Variants in LAMP3 observed in about 807,000 individuals in gnomAD.
LAMP3 encodes lysosome-associated membrane glycoprotein 3.
LAMP3 carries 26 observed loss-of-function variants against 34.8 expected under a neutral mutation model. The observed-to-expected ratio is 0.75, with a 90% CI of 0.55 to 1.04. The LOEUF (loss-of-function observed/expected upper bound fraction) is 1.04, where lower values mean the gene tolerates loss of function less well. Among genes scored for constraint, LAMP3 ranks in the 50% least tolerant of loss-of-function variants. The pLI is 0.00. For missense variants in LAMP3, 495 were observed against 524.0 expected, an observed-to-expected ratio of 0.94 and a Z score of 0.54; for synonymous variants, 180 against 201.9, an observed-to-expected ratio of 0.89 and a Z score of 0.92.
At chr3:183,144,152 A>C (rs912018376) in intron 3 of LAMP3, among the ~76,000 whole-genome samples, 7 of 152,346 alleles carry the variant, frequency 4.6e-5, no homozygotes, top group African/African-American at 7.2e-5. Context: ...AAATCAAGAA[A>C]GCTTTGTTCT....
At chr3:183,151,489 G>T (rs561031313) in intron 3 of LAMP3, among the ~76,000 whole-genome samples, 1 of 148,490 alleles carries the variant, frequency 6.7e-6, no homozygotes, top group Non-Finnish European at 1.5e-5. Context: ...GTGCAATGGC[G>T]CAATCTCGGC....
intron 1 of LAMP3, among the ~76,000 whole-genome samples, chr3:183,158,474 A>ACCCCCCCCCCCCC (rs1720883384): frequency 1.1e-5 from 1 of 89,642 alleles, no homozygotes; most frequent in Admixed American, 1.3e-4. Context: ...TCATCTGCCC[A>ACCCCCCCCCCCCC]CCCCCACCCC....
chr3:183,151,870 C>G (rs1031230592), intron 3 of LAMP3, among the ~76,000 whole-genome samples: 1 of 152,216 alleles, frequency 6.6e-6, no homozygotes, highest in Non-Finnish European at 1.5e-5. Flanking sequence ...TCTCTGACCT[C>G]GATCTATGAC....
chr3:183,154,633 C>T (rs942885448), intron 1 of LAMP3, among the ~76,000 whole-genome samples: 7 of 152,148 alleles, frequency 4.6e-5, no homozygotes, highest in African/African-American at 1.7e-4. Flanking sequence ...TCCACAGCAC[C>T]CAGCCCCTTT....
At position 183,144,772 on chromosome 3, in the gene LAMP3, G is replaced by A. The variant is rs373001987; in HGVS notation, c.889-4177C>T. 3.3e-5 allele frequency among the ~76,000 whole-genome samples: 5 copies of A among 152,172 alleles called. No individual in the cohort carries two copies. The East Asian group carries it at 9.6e-4, about 29-fold the overall frequency. On this transcript the variant is annotated intron_variant, in intron 3 of 5. Transcript: ENST00000265598. ...ATACACAAATTAGCTGGGCATGGTGGCATGTACCTGTAGTCCCAGCTACTC... is the reference window on the plus strand; with the variant it reads ...ATACACAAATTAGCTGGGCATGGTGACATGTACCTGTAGTCCCAGCTACTC...
At chr3:183,135,693 C>T in intron 5 of LAMP3, 24 bp downstream of exon 5, 1 of 1,610,980 alleles carries the variant, frequency 6.2e-7, no homozygotes, top group African/African-American at 1.3e-5. Flanking sequence ...TGTATGTTTG[C>T]AACCTGATCG....
At chr3:183,151,424 C>CTTTTTT (rs1303908629) in intron 3 of LAMP3, among the ~76,000 whole-genome samples, 1 of 130,042 alleles carries the variant, frequency 7.7e-6, no homozygotes, top group African/African-American at 2.9e-5. Context: ...GGGGCATGCT[C>CTTTTTT]TTTTTTTTTT....
chr3:183,144,053 C>A (rs1720367593), intron 3 of LAMP3, among the ~76,000 whole-genome samples: 1 of 152,138 alleles, frequency 6.6e-6, no homozygotes, highest in Admixed American at 6.5e-5. Flanking sequence ...GCAAAACACA[C>A]CGTGGAAGTT....
intron 1 of LAMP3, among the ~76,000 whole-genome samples, chr3:183,159,319 T>C (rs542641051): frequency 9.9e-5 from 15 of 152,266 alleles, no homozygotes; most frequent in Non-Finnish European, 1.9e-4. Flanking sequence ...AGAGAATGTG[T>C]AAGGGCGCAG....
intron 4 of LAMP3, 61 bp downstream of exon 4, chr3:183,140,477 G>A: frequency 1.2e-6 from 1 of 861,338 alleles, no homozygotes; most frequent in Non-Finnish European, 1.9e-6. Context: ...GGGATGAAAG[G>A]TGAGCTAACC....
At chr3:183,142,208 G>C (rs73056053) in intron 3 of LAMP3, among the ~76,000 whole-genome samples, 4,847 of 152,186 alleles carry the variant, frequency 0.032, 251 homozygotes, top group African/African-American at 0.11. Flanking sequence ...AGGGTCCACA[G>C]TCCGGGTTAC....
intron 1 of LAMP3, among the ~76,000 whole-genome samples, chr3:183,159,118 C>A (rs191589615): frequency 2.0e-5 from 3 of 152,254 alleles, no homozygotes; most frequent in African/African-American, 7.2e-5. Context: ...GTTTCAAACT[C>A]CTAGGATTAA....
chr3:183,129,071 C>T (rs553206994), intron 5 of LAMP3, among the ~76,000 whole-genome samples: 1 of 152,160 alleles, frequency 6.6e-6, no homozygotes, highest in Non-Finnish European at 1.5e-5. Flanking sequence ...CTTTATACTT[C>T]ATATTTTTGG....
chr3:183,134,231 T>C (rs112691393), intron 5 of LAMP3, among the ~76,000 whole-genome samples: 72 of 152,194 alleles, frequency 4.7e-4, no homozygotes, highest in African/African-American at 1.5e-3. Context: ...TTTGTGACTA[T>C]TTGTATGAGA....
intron 3 of LAMP3, among the ~76,000 whole-genome samples, chr3:183,144,452 G>T (rs551093987): frequency 4.6e-5 from 7 of 152,262 alleles, no homozygotes; most frequent in African/African-American, 1.7e-4. Context: ...AGTGGAAGTG[G>T]GGAAGGGGGA....
intron 2 of LAMP3, among the ~76,000 whole-genome samples, chr3:183,153,056 T>G (rs772476214): frequency 6.6e-6 from 1 of 151,014 alleles, no homozygotes; most frequent in Non-Finnish European, 1.5e-5. Flanking sequence ...GTGCCTGTAA[T>G]CCCAGCTACT....
At chr3:183,133,985 C>T (rs1024317727) in intron 5 of LAMP3, among the ~76,000 whole-genome samples, 1 of 152,220 alleles carries the variant, frequency 6.6e-6, no homozygotes, top group African/African-American at 2.4e-5. Flanking sequence ...TTCCTCTGGG[C>T]TCCCATAACC....
intron 2 of LAMP3, among the ~76,000 whole-genome samples, chr3:183,153,221 T>G (rs1378901246): frequency 6.6e-6 from 1 of 151,756 alleles, no homozygotes; most frequent in Admixed American, 6.6e-5. Context: ...AGTGATTCCT[T>G]TAGTATATCA....
At chr3:183,128,524 G>T (rs1719837657) in intron 5 of LAMP3, among the ~76,000 whole-genome samples, 1 of 151,858 alleles carries the variant, frequency 6.6e-6, no homozygotes, top group African/African-American at 2.4e-5. Context: ...TCATTTTTTT[G>T]CTATTATAAA....
Sources: gnomAD v4.1 joint callset for allele counts (sites outside exome capture counted in the v4.1 genomes callset) on GRCh38, gnomAD v4.1.1 for gene constraint, MANE v1.5 for transcripts, NCBI Gene and HGNC (gene_info 2026-07-23, HGNC 2026-07-21) for gene names.